Variants in IGF1R observed in about 807,000 individuals in gnomAD.
IGF1R encodes the protein insulin-like growth factor 1 receptor.
A neutral mutation model predicts 144.6 loss-of-function variants in IGF1R; 44 were observed. The ratio of observed to expected loss-of-function variants is 0.30; its 90% confidence interval spans 0.24 to 0.39. The LOEUF (loss-of-function observed/expected upper bound fraction) is 0.39, where lower values mean the gene tolerates loss of function less well. Among genes scored for constraint, IGF1R ranks in the 10% least tolerant of loss-of-function variants. IGF1R has a pLI of 1.00. For missense variants in IGF1R, 1,355 were observed against 1,833.7 expected (o/e 0.74, Z 4.77); for synonymous variants, 795 against 722.8 (o/e 1.10, Z -1.60).
intron 15 of IGF1R, among the ~76,000 whole-genome samples, chr15:98,931,453 C>A (rs1302359244): frequency 6.6e-6 from 1 of 152,140 alleles, no homozygotes; most frequent in African/African-American, 2.4e-5. Flanking sequence ...ACTATGGTTT[C>A]TTTAATAATT....
At chr15:98,875,902 C>T (rs556196596) in intron 2 of IGF1R, among the ~76,000 whole-genome samples, 152 of 152,196 alleles carry the variant, frequency 1.0e-3, no homozygotes, top group African/African-American at 3.6e-3. Context: ...AGGCCTCATA[C>T]GCATCACGTC....
chr15:98,914,388 G>T (rs531024795), intron 8 of IGF1R, among the ~76,000 whole-genome samples: 1 of 152,326 alleles, frequency 6.6e-6, no homozygotes, highest in South Asian at 2.1e-4. Flanking sequence ...AGTTTAAATG[G>T]CAGAGAGGAG....
At chr15:98,931,481 TAA>T (rs1033682237) in intron 15 of IGF1R, among the ~76,000 whole-genome samples, 3 of 152,218 alleles carry the variant, frequency 2.0e-5, no homozygotes, top group African/African-American at 7.2e-5. Context: ...CAGTTTATAG[TAA>T]AGTCAATCAA....
intron 2 of IGF1R, among the ~76,000 whole-genome samples, chr15:98,719,527 ACTT>A (rs2054198438): frequency 6.6e-6 from 1 of 152,190 alleles, no homozygotes; most frequent in African/African-American, 2.4e-5. Flanking sequence ...GGAGAGATGA[ACTT>A]CTGGGTGTGC....
intron 11 of IGF1R, among the ~76,000 whole-genome samples, chr15:98,922,813 T>C (rs1433049791): frequency 1.3e-5 from 2 of 152,258 alleles, no homozygotes; most frequent in Non-Finnish European, 2.9e-5. Context: ...GTTAGTTGCC[T>C]TGATCCAGAG....
At chr15:98,706,235 C>T (rs999914791) in intron 1 of IGF1R, among the ~76,000 whole-genome samples, 4 of 152,234 alleles carry the variant, frequency 2.6e-5, no homozygotes, top group South Asian at 2.1e-4. Context: ...TGGCATTTCT[C>T]GTGGTATCAT....
At chr15:98,728,175 G>A (rs1462867668) in intron 2 of IGF1R, among the ~76,000 whole-genome samples, 1 of 152,070 alleles carries the variant, frequency 6.6e-6, no homozygotes, top group African/African-American at 2.4e-5. Context: ...TCCTGGATCT[G>A]TAAACACACC....
intron 5 of IGF1R, among the ~76,000 whole-genome samples, chr15:98,905,258 C>G (rs1045210959): frequency 6.6e-6 from 1 of 152,130 alleles, no homozygotes; most frequent in Non-Finnish European, 1.5e-5. Flanking sequence ...ATAGGGCCTA[C>G]CCAAGTGTAG....
chr15:98,661,956 C>CTTTTTTTTTTTTTTTTTTTTTTTTTT (rs869208651), intron 1 of IGF1R, among the ~76,000 whole-genome samples: 5 of 105,748 alleles, frequency 4.7e-5, no homozygotes, highest in African/African-American at 1.8e-4. Context: ...GAATAGGGCC[C>CTTTTTTTTTTTTTTTTTTTTTTTTTT]TTTTTTTTTT....
chr15:98,952,952 G>A (rs572734876), intron 20 of IGF1R: 1 of 152,352 alleles, frequency 6.6e-6, no homozygotes, highest in South Asian at 2.1e-4. Context: ...GGAGTGTCAT[G>A]TTGTCCTTCT....
intron 2 of IGF1R, among the ~76,000 whole-genome samples, chr15:98,770,674 A>C (rs1415593444): frequency 6.6e-6 from 1 of 152,100 alleles, no homozygotes; most frequent in African/African-American, 2.4e-5. Flanking sequence ...AAGACCAGGG[A>C]TGGTTTTAGG....
At chr15:98,927,646 C>T (rs2015772875) in intron 13 of IGF1R, among the ~76,000 whole-genome samples, 1 of 152,184 alleles carries the variant, frequency 6.6e-6, no homozygotes, top group Non-Finnish European at 1.5e-5. Flanking sequence ...TGGTAATGAT[C>T]ACCTCTGAGT....
chr15:98,711,782 C>G lies in IGF1R; in HGVS notation c.640+3675C>G, dbSNP rs182743832. On this transcript the variant is annotated intron_variant, in intron 2 of 20. Coordinates refer to ENST00000650285, the MANE Select transcript of IGF1R (RefSeq NM_000875.5). ...GGTCTCCTGACATAGTCCATTCAGG[C>G]TGCTGTAACAAAATCCCATACCCTG... Among the ~76,000 whole-genome samples, 387 of 152,274 alleles carry G rather than the reference C, an allele frequency of 2.5e-3. 1 individual carries two copies. The highest frequency in any genetic ancestry group is 4.5e-3 in the Non-Finnish European group (308 of 68,020).
chr15:98,930,997 A>G (rs2151703371), intron 15 of IGF1R, among the ~76,000 whole-genome samples: 1 of 152,318 alleles, frequency 6.6e-6, no homozygotes, highest in Middle Eastern at 3.4e-3. Context: ...AGGACCCTTA[A>G]CTGGCACTTT....
intron 2 of IGF1R, among the ~76,000 whole-genome samples, chr15:98,816,673 A>G (rs1370003305): frequency 6.6e-6 from 1 of 152,186 alleles, no homozygotes; most frequent in Non-Finnish European, 1.5e-5. Context: ...TTAAGACTTG[A>G]TGCTCCCTGG....
intron 2 of IGF1R, among the ~76,000 whole-genome samples, chr15:98,857,204 A>G (rs2011869759): frequency 6.6e-6 from 1 of 152,216 alleles, no homozygotes; most frequent in South Asian, 2.1e-4. Context: ...TTTTGTGTAC[A>G]TCTTTATTTA....
chr15:98,799,073 C>T (rs867991890), intron 2 of IGF1R, among the ~76,000 whole-genome samples: 1 of 152,106 alleles, frequency 6.6e-6, no homozygotes, highest in Non-Finnish European at 1.5e-5. Flanking sequence ...CTTTGGGTAA[C>T]TATGCCCCTA....
At chr15:98,925,057 A>G (rs1178803127) in intron 13 of IGF1R, among the ~76,000 whole-genome samples, 2 of 151,688 alleles carry the variant, frequency 1.3e-5, no homozygotes, top group African/African-American at 2.4e-5. Flanking sequence ...TCCACCTCCT[A>G]CTTGGTCAGT....
At chr15:98,662,589 C>T (rs181904254) in intron 1 of IGF1R, among the ~76,000 whole-genome samples, 3 of 151,706 alleles carry the variant, frequency 2.0e-5, no homozygotes, top group African/African-American at 7.3e-5. Flanking sequence ...TTTACTCGAG[C>T]TTGTTGTCTA....
Sources: gnomAD v4.1 joint callset for allele counts (sites outside exome capture counted in the v4.1 genomes callset) on GRCh38, gnomAD v4.1.1 for gene constraint, MANE v1.5 for transcripts, NCBI Gene and HGNC (gene_info 2026-07-23, HGNC 2026-07-21) for gene names.